SIK2: variants seen among roughly 807,000 people sequenced by gnomAD.
SIK2 encodes the protein serine/threonine-protein kinase SIK2.
Under a neutral mutation model 103.2 loss-of-function variants are expected in SIK2, and 29 were observed. The ratio of observed to expected loss-of-function variants is 0.28; its 90% CI spans 0.21 to 0.38. The LOEUF is 0.38. Among genes scored for constraint, SIK2 ranks in the 10% least tolerant of loss-of-function variants. The probability of loss-of-function intolerance (pLI) is 1.00; values close to 1 mark genes in which losing one functional copy is unlikely to be tolerated. For synonymous variants in SIK2, 412 were observed against 446.1 expected, an observed-to-expected ratio of 0.92 and a Z score of 0.96; for missense variants, 879 against 1,171.0, an observed-to-expected ratio of 0.75 and a Z score of 3.64.
chr11:111,612,081 T>C (rs1185921822), intron 1 of SIK2, among the ~76,000 whole-genome samples: 1 of 152,190 alleles, frequency 6.6e-6, no homozygotes, highest in Non-Finnish European at 1.5e-5. Flanking sequence ...CCAGGCATAA[T>C]TCCTGGCACA....
At chr11:111,661,319 A>AAGC (rs2135871584) in intron 3 of SIK2, among the ~76,000 whole-genome samples, 1 of 152,330 alleles carries the variant, frequency 6.6e-6, no homozygotes, top group East Asian at 1.9e-4. Context: ...CTTATTGCTA[A>AAGC]CAGAGAGAAG....
chr11:111,622,156 A>C (rs1189078641), intron 3 of SIK2, among the ~76,000 whole-genome samples: 1 of 149,238 alleles, frequency 6.7e-6, no homozygotes, highest in East Asian at 1.9e-4. Context: ...AATTGCATCT[A>C]TTTATCAATG....
chr11:111,683,663 G>T (rs1000691177), intron 3 of SIK2, among the ~76,000 whole-genome samples: 5 of 152,018 alleles, frequency 3.3e-5, no homozygotes, highest in African/African-American at 1.2e-4. Flanking sequence ...GGTTGGCCAG[G>T]CTGGTTTCGA....
At chr11:111,676,169 G>A (rs900845680) in intron 3 of SIK2, among the ~76,000 whole-genome samples, 6 of 152,104 alleles carry the variant, frequency 3.9e-5, no homozygotes, top group Non-Finnish European at 7.3e-5. Context: ...CCATTTATGG[G>A]CGTCTAGGTT....
chr11:111,624,669 A>G (rs1941938083), intron 3 of SIK2, among the ~76,000 whole-genome samples: 1 of 152,244 alleles, frequency 6.6e-6, no homozygotes, highest in Non-Finnish European at 1.5e-5. Flanking sequence ...CTACTCTTTT[A>G]CATTCTAGTT....
chr11:111,659,507 G>A (rs1484583779), intron 3 of SIK2, among the ~76,000 whole-genome samples: 1 of 152,190 alleles, frequency 6.6e-6, no homozygotes, highest in Non-Finnish European at 1.5e-5. Flanking sequence ...GAGTAGTGTT[G>A]TTCTTTTTAT....
chr11:111,647,810 G>A (rs1217942169), intron 3 of SIK2, among the ~76,000 whole-genome samples: 2 of 150,156 alleles, frequency 1.3e-5, no homozygotes, highest in African/African-American at 4.9e-5. Flanking sequence ...GGAGCTTGCA[G>A]TGAGCTGAGA....
intron 3 of SIK2, among the ~76,000 whole-genome samples, chr11:111,659,110 C>A (rs1942434173): frequency 6.6e-6 from 1 of 152,100 alleles, no homozygotes. Context: ...ATTACATGAT[C>A]ATTTTTTCAT....
At chr11:111,691,965 C>G (rs1195981083) in intron 4 of SIK2, among the ~76,000 whole-genome samples, 1 of 152,090 alleles carries the variant, frequency 6.6e-6, no homozygotes, top group African/African-American at 2.4e-5. Context: ...GAAAGACTAA[C>G]TCTGTCTGGA....
At chr11:111,611,085 A>AGT (rs1565305622) in intron 1 of SIK2, among the ~76,000 whole-genome samples, 27 of 134,798 alleles carry the variant, frequency 2.0e-4, no homozygotes, top group Middle Eastern at 3.8e-3. Flanking sequence ...CTCTCGACCA[A>AGT]ATGTGTGTGT....
chr11:111,613,704 G>A (rs967747632), intron 1 of SIK2, among the ~76,000 whole-genome samples: 3 of 151,950 alleles, frequency 2.0e-5, no homozygotes, highest in Admixed American at 1.3e-4. Context: ...TTTTCATTAC[G>A]GTAATAATTA....
At chr11:111,717,009 A>G (rs1299686993) in intron 9 of SIK2, among the ~76,000 whole-genome samples, 1 of 152,116 alleles carries the variant, frequency 6.6e-6, no homozygotes, top group African/African-American at 2.4e-5. Flanking sequence ...CAGCCAACAA[A>G]CATATGAAAA....
In SIK2 at chr11:111,723,961, A is replaced by G. The variant is rs1943887119; in HGVS notation, c.2613A>G (p.Gly871=). 1 of 1,614,074 alleles carries G rather than the reference A, an allele frequency of 6.2e-7. No homozygotes were observed. Among genetic ancestry groups the G allele is most frequent in the Non-Finnish European group, 8.5e-7 (1 of 1,179,998 alleles). ...YPTPCQYPVD[G]AQQSDLTGPD... ...CTCCCTGTCAGTATCCTGTGGATGG[A>G]GCCCAGCAGAGCGACCTAACGGGGC... is the stretch of plus-strand genomic sequence containing the variant. The change falls in exon 15 of 15, where the codon GGA becomes GGG. Residue 871 remains glycine, a synonymous_variant. Coordinates refer to ENST00000304987, the MANE Select transcript of SIK2 (RefSeq NM_015191.3).
chr11:111,659,134 C>A (rs529884084), intron 3 of SIK2, among the ~76,000 whole-genome samples: 62 of 152,164 alleles, frequency 4.1e-4, no homozygotes, highest in Non-Finnish European at 7.2e-4. Context: ...TATTTACTTT[C>A]ATAATCTTCT....
intron 2 of SIK2, among the ~76,000 whole-genome samples, chr11:111,618,737 A>C (rs987245604): frequency 8.0e-5 from 12 of 150,796 alleles, no homozygotes; most frequent in Non-Finnish European, 1.6e-4. Context: ...AAAATTATTA[A>C]TTTTTTTTTA....
In SIK2 at chr11:111,730,755, C is replaced by CAAAT. The variant is rs933206386; in HGVS notation, c.*6628_*6631dup. 13 of 152,070 alleles carry CAAAT rather than the reference C, an allele frequency of 8.5e-5. No homozygotes were observed. Among genetic ancestry groups the CAAAT allele is most frequent in the Admixed American group, 5.9e-4 (9 of 15,282 alleles). 9.4% of individuals were successfully genotyped at this position (152,070 alleles called of 1,614,324 possible). Reference sequence around the variant, plus strand: ...GCAGTGTAATAAATAATCTCTGTACCAAATAGTAATTTAAATGGGGTAATT... The same window carrying CAAAT: ...GCAGTGTAATAAATAATCTCTGTACCAAATAAATAGTAATTTAAATGGGGTAATT... On this transcript the variant is annotated 3_prime_UTR_variant, in exon 15 of 15. Transcript: ENST00000304987.
In SIK2 at chr11:111,688,792, T is replaced by G. The variant is rs146180831; in HGVS notation, c.478+630T>G. On this transcript the variant is annotated intron_variant, in intron 4 of 14. Coordinates refer to ENST00000304987, the MANE Select transcript of SIK2 (RefSeq NM_015191.3). The surrounding 1 kb of genome is among the most constrained non-coding windows in gnomAD (Gnocchi z 4.2). ...CTCAATAAATATGTATCAGGTACTG[T>G]GCTATGTTAAGTACAATATGATATG... Among the ~76,000 whole-genome samples, 704 of 152,338 alleles carry G rather than the reference T, an allele frequency of 4.6e-3. 10 individuals are homozygous for G. The highest frequency in any genetic ancestry group is 0.016 in the African/African-American group (676 of 41,572).
chr11:111,674,029 G>A (rs1018833623), intron 3 of SIK2, among the ~76,000 whole-genome samples: 5 of 149,224 alleles, frequency 3.4e-5, no homozygotes, highest in African/African-American at 7.4e-5. Flanking sequence ...AGCTGAGATC[G>A]CACCGCTGCA....
rs534150692 is a variant in SIK2, at chr11:111,662,650, G to A, written c.317-25351G>A. Among the ~76,000 whole-genome samples, 3 of 152,268 alleles carry A rather than the reference G, an allele frequency of 2.0e-5. No individual in the cohort carries two copies. The East Asian group carries it at 5.8e-4, about 29-fold the overall frequency. On this transcript the variant is annotated intron_variant, in intron 3 of 14. Coordinates refer to ENST00000304987, the MANE Select transcript of SIK2 (RefSeq NM_015191.3). Reference sequence around the variant, plus strand: ...CCAGCACTTTGGGAGGCCGAAGCAGGCAGATCTCTTGAGCTCGGTAGTTTG... The same window carrying A: ...CCAGCACTTTGGGAGGCCGAAGCAGACAGATCTCTTGAGCTCGGTAGTTTG...
Sources: allele counts gnomAD v4.1 joint callset (sites outside exome capture counted in the v4.1 genomes callset), GRCh38; gene constraint gnomAD v4.1.1; non-coding constraint Gnocchi (gnomAD v3.1); transcripts MANE v1.5; gene names NCBI Gene and HGNC (gene_info 2026-07-23, HGNC 2026-07-21).